The following CAST variants were observed in gnomAD, a reference collection of about 807,000 sequenced individuals.
CAST encodes the protein calpastatin, also known as MIR583 host.
CAST carries 76 observed loss-of-function variants against 119.6 expected under a neutral mutation model. The ratio of observed to expected loss-of-function variants is 0.64; its 90% confidence interval spans 0.53 to 0.77. The LOEUF (loss-of-function observed/expected upper bound fraction) is 0.77, where lower values mean the gene tolerates loss of function less well. CAST is among the 30% of genes least tolerant of loss of function. The pLI is 0.00. For missense variants in CAST, 953 were observed against 946.5 expected, an observed-to-expected ratio of 1.01 and a Z score of -0.09; for synonymous variants, 319 against 331.6, an observed-to-expected ratio of 0.96 and a Z score of 0.41.
the CAST span, chr5:96,410,900 T>G: frequency 2.5e-6 from 4 of 1,613,606 alleles, no homozygotes; most frequent in Non-Finnish European, 3.4e-6. Context: ...AGATGCTGTC[T>G]GTGTAGCCAT....
chr5:96,450,072 A>G, the CAST span, among the ~76,000 whole-genome samples: 3 of 152,236 alleles, frequency 2.0e-5, no homozygotes, highest in Non-Finnish European at 2.9e-5. Context: ...TGTCTCCCCA[A>G]AGGAAAAGAA....
At chr5:96,028,813 G>C in the CAST span, among the ~76,000 whole-genome samples, 1 of 151,950 alleles carries the variant, frequency 6.6e-6, no homozygotes, top group African/African-American at 2.4e-5. Context: ...ATTGTAAAAA[G>C]TATAGGTTTT....
At chr5:96,057,515 A>T in the CAST span, among the ~76,000 whole-genome samples, 1 of 152,046 alleles carries the variant, frequency 6.6e-6, no homozygotes, top group African/African-American at 2.4e-5. Flanking sequence ...GCTTTTCTTC[A>T]TAAGGCATTA....
At chr5:96,643,976 G>A (rs948140237) in intron 1 of CAST, among the ~76,000 whole-genome samples, 6 of 152,010 alleles carry the variant, frequency 3.9e-5, no homozygotes, top group Non-Finnish European at 7.4e-5. Context: ...AACCCAGGCC[G>A]CAGAGGTTGC....
the CAST span, among the ~76,000 whole-genome samples, chr5:95,971,960 CTTTTTTT>C: frequency 7.3e-6 from 1 of 136,994 alleles, no homozygotes; most frequent in Non-Finnish European, 1.6e-5. Context: ...TCTTTTATTT[CTTTTTTT>C]TTTTTTTTTG....
At chr5:96,299,137 T>C in the CAST span, among the ~76,000 whole-genome samples, 1 of 151,692 alleles carries the variant, frequency 6.6e-6, no homozygotes, top group Non-Finnish European at 1.5e-5. Context: ...CCCAGCTACT[T>C]GGGAGGCTGA....
Position 96,754,131 on chromosome 5 carries a change from A to T in CAST, c.1596A>T (p.Glu532Asp). The change falls in exon 21 of 32, where the codon GAA (glutamate) becomes GAT (aspartate). Residue 532 changes from glutamate to aspartate, a missense_variant. Coordinates refer to ENST00000675179, the MANE Select transcript of CAST (RefSeq NM_001750.7). ...TGGGGAAAAAGGAAGCAGATCCAGA[A>T]GATGGAAAACCTGTGATGGATAAAG... Reference protein sequence around the residue: ...DSLGKKEADPEDGKPVMDKVK... With the variant: ...DSLGKKEADPDDGKPVMDKVK... 1 of 1,613,118 alleles carries T rather than the reference A, an allele frequency of 6.2e-7. No individual in the cohort carries two copies. Among genetic ancestry groups the T allele is most frequent in the South Asian group, 1.1e-5 (1 of 91,074 alleles).
the CAST span, among the ~76,000 whole-genome samples, chr5:96,249,794 G>A: frequency 6.6e-6 from 1 of 152,182 alleles, no homozygotes; most frequent in South Asian, 2.1e-4. Flanking sequence ...ACTGTGTTGG[G>A]TGTGGAAATT....
At chr5:96,350,633 C>A in the CAST span, among the ~76,000 whole-genome samples, 1 of 152,080 alleles carries the variant, frequency 6.6e-6, no homozygotes, top group Non-Finnish European at 1.5e-5. Flanking sequence ...TTGCCTGACA[C>A]AATTCCCAGC....
intron 3 of CAST, among the ~76,000 whole-genome samples, chr5:96,706,413 T>TAAA (rs1754991291): frequency 2.0e-5 from 3 of 152,164 alleles, no homozygotes; most frequent in African/African-American, 7.2e-5. Flanking sequence ...TAAAAAGTGT[T>TAAA]AAATGGCAGT....
chr5:96,071,232 A>AT, the CAST span, among the ~76,000 whole-genome samples: 1 of 151,580 alleles, frequency 6.6e-6, no homozygotes, highest in Non-Finnish European at 1.5e-5. Context: ...ACTTCACCCT[A>AT]TATTTCCTAA....
At chr5:96,400,539 G>C in the CAST span, among the ~76,000 whole-genome samples, 1 of 152,082 alleles carries the variant, frequency 6.6e-6, no homozygotes, top group Non-Finnish European at 1.5e-5. Context: ...CTTTCTTTAT[G>C]CCCTCCAGTC....
At chr5:96,212,257 G>A in the CAST span, among the ~76,000 whole-genome samples, 1 of 152,094 alleles carries the variant, frequency 6.6e-6, no homozygotes, top group South Asian at 2.1e-4. Context: ...TCTAATGTAA[G>A]CATTTAATGC....
intron 16 of CAST, chr5:96,743,842 G>C (rs1763193366): frequency 5.8e-6 from 5 of 861,232 alleles, no homozygotes; most frequent in Non-Finnish European, 8.8e-6. Flanking sequence ...CTTGAGGAAA[G>C]CGGGGTGTTG....
chr5:96,035,626 G>A, the CAST span, among the ~76,000 whole-genome samples: 1 of 151,804 alleles, frequency 6.6e-6, no homozygotes, highest in African/African-American at 2.4e-5. Context: ...GGAATGGGGG[G>A]AATTGGGGTG....
the CAST span, among the ~76,000 whole-genome samples, chr5:96,105,473 T>C: frequency 6.6e-6 from 1 of 152,214 alleles, no homozygotes; most frequent in Non-Finnish European, 1.5e-5. Flanking sequence ...AAAGGCCTTT[T>C]CTGCATCTAT....
the CAST span, among the ~76,000 whole-genome samples, chr5:96,516,544 A>G: frequency 6.6e-6 from 1 of 152,194 alleles, no homozygotes; most frequent in South Asian, 2.1e-4. Context: ...AATGGTTGTT[A>G]GAGTTGTTTT....
At chr5:96,066,542 T>A in the CAST span, among the ~76,000 whole-genome samples, 1 of 152,128 alleles carries the variant, frequency 6.6e-6, no homozygotes, top group Non-Finnish European at 1.5e-5. Flanking sequence ...TCAGGTTTCA[T>A]ATCTCTTACT....
the CAST span, among the ~76,000 whole-genome samples, chr5:96,278,332 G>A: frequency 6.6e-6 from 1 of 152,046 alleles, no homozygotes; most frequent in Non-Finnish European, 1.5e-5. Flanking sequence ...GTGGTGAGGG[G>A]GTCAAGATTT....
Sources: allele counts gnomAD v4.1 joint callset (sites outside exome capture counted in the v4.1 genomes callset), GRCh38; gene constraint gnomAD v4.1.1; transcripts MANE v1.5; gene names NCBI Gene and HGNC (gene_info 2026-07-23, HGNC 2026-07-21).